Variants in KCNT2 observed in about 807,000 individuals in gnomAD.
KCNT2 encodes potassium channel subfamily T member 2.
Under a neutral mutation model 153.8 loss-of-function variants are expected in KCNT2, and 67 were observed. The ratio of observed to expected loss-of-function variants is 0.44; its 90% CI spans 0.36 to 0.53. KCNT2 has a LOEUF of 0.53. Among genes scored for constraint, KCNT2 ranks in the 20% least tolerant of loss-of-function variants. The probability of loss-of-function intolerance (pLI) is 0.00; values close to 1 mark genes in which losing one functional copy is unlikely to be tolerated. For missense variants in KCNT2, 975 were observed against 1,354.8 expected, an observed-to-expected ratio of 0.72 and a Z score of 4.40; for synonymous variants, 500 against 458.8, an observed-to-expected ratio of 1.09 and a Z score of -1.15.
intron 8 of KCNT2, among the ~76,000 whole-genome samples, chr1:196,459,739 G>T (rs1034026016): frequency 6.6e-6 from 1 of 151,886 alleles, no homozygotes; most frequent in African/African-American, 2.4e-5. Flanking sequence ...TTTCAGAAGT[G>T]AGGGATTCCT....
chr1:196,451,907 G>A (rs1279099204), intron 8 of KCNT2, among the ~76,000 whole-genome samples: 1 of 151,738 alleles, frequency 6.6e-6, no homozygotes, highest in Non-Finnish European at 1.5e-5. Flanking sequence ...ATTTTGGAAT[G>A]CTATTACACT....
intron 26 of KCNT2, chr1:196,257,374 A>C (rs1435962600): frequency 1.0e-6 from 1 of 978,268 alleles, no homozygotes; most frequent in African/African-American, 1.8e-5. Flanking sequence ...AATAATAAAC[A>C]AGAGAAAAGG....
intron 8 of KCNT2, among the ~76,000 whole-genome samples, chr1:196,464,299 A>G (rs1001034875): frequency 6.6e-5 from 10 of 151,918 alleles, no homozygotes; most frequent in Admixed American, 6.6e-5. Flanking sequence ...TATCGATCTT[A>G]GAGGTTATTT....
At chr1:196,357,875 T>C (rs1572158066) in intron 14 of KCNT2, among the ~76,000 whole-genome samples, 1 of 151,934 alleles carries the variant, frequency 6.6e-6, no homozygotes, top group African/African-American at 2.4e-5. Flanking sequence ...GGTAGTCTTG[T>C]CTAAAGTTTA....
chr1:196,482,166 GACAA>G (rs1194652117), intron 4 of KCNT2, among the ~76,000 whole-genome samples, 161 bp downstream of exon 4: 2 of 152,026 alleles, frequency 1.3e-5, no homozygotes, highest in African/African-American at 4.8e-5. Flanking sequence ...GCAGGGCTCA[GACAA>G]ACAAGAAAAA....
chr1:196,554,993 T>C (rs552948234), intron 1 of KCNT2, among the ~76,000 whole-genome samples: 1 of 151,236 alleles, frequency 6.6e-6, no homozygotes, highest in Non-Finnish European at 1.5e-5. Context: ...AACTTCAACA[T>C]AATAAAAGCT....
At chr1:196,513,950 G>A (rs1230833234) in intron 1 of KCNT2, among the ~76,000 whole-genome samples, 7 of 152,100 alleles carry the variant, frequency 4.6e-5, no homozygotes, top group Admixed American at 6.6e-5. Context: ...AAGCCTCTAC[G>A]CTTAGTGCTT....
chr1:196,457,291 T>C (rs918152494), intron 8 of KCNT2, among the ~76,000 whole-genome samples: 1 of 151,910 alleles, frequency 6.6e-6, no homozygotes. Flanking sequence ...AATTGTGTTC[T>C]CTAGTACTTA....
chr1:196,282,230 CT>C, intron 24 of KCNT2, 42 bp downstream of exon 24: 1 of 1,075,980 alleles, frequency 9.3e-7, no homozygotes. Flanking sequence ...ATTTCAGAAC[CT>C]TCTATCACAA....
At chr1:196,254,977 A>G (rs1656331087) in intron 26 of KCNT2, among the ~76,000 whole-genome samples, 1 of 151,576 alleles carries the variant, frequency 6.6e-6, no homozygotes, top group African/African-American at 2.4e-5. Context: ...AACAGTATGA[A>G]ATTTATAACA....
chr1:196,384,149 A>G lies in KCNT2; in HGVS notation c.1295-10901T>C, dbSNP rs573974772. ...CAAATCATCACATTGTACACCTTAA[A>G]TTTATACAATTTTATTTATCAAATA... is the stretch of plus-strand genomic sequence containing the variant. On this transcript the variant is annotated intron_variant, in intron 13 of 27. Coordinates refer to ENST00000294725, the MANE Select transcript of KCNT2 (RefSeq NM_198503.5). 2.2e-4 allele frequency among the ~76,000 whole-genome samples: 33 copies of G among 152,322 alleles called. No homozygotes were observed. In the South Asian group the frequency reaches 6.2e-3, roughly 29 times the overall value.
chr1:196,452,874 T>C (rs1299573614), intron 8 of KCNT2, among the ~76,000 whole-genome samples: 1 of 151,820 alleles, frequency 6.6e-6, no homozygotes, highest in Non-Finnish European at 1.5e-5. Flanking sequence ...ACTGATGAGG[T>C]CCACCCACAT....
rs1662415451 is a variant in KCNT2 at position 196,313,678 on chromosome 1, A to C, written c.2483+2214T>G. 2.0e-5 allele frequency among the ~76,000 whole-genome samples: 3 copies of C among 151,582 alleles called. No homozygotes were observed. In the Admixed American group the frequency reaches 2.0e-4, roughly 10 times the overall value. ...TAGCAGCTTAACACACAACACAAAA[A>C]AAAAGTTTCATATAATTTTTTCCTA... On this transcript the variant is annotated intron_variant, in intron 21 of 27. Transcript: ENST00000294725.
rs559453114 is a variant in KCNT2, at chr1:196,389,853, T to C, written c.1294+8710A>G. ...CTAAGTCAGTCTTACTAGCAAACTA[T>C]GTATCTCATAAGATTTCAAATGCCC... is the stretch of plus-strand genomic sequence containing the variant. On this transcript the variant is annotated intron_variant, in intron 13 of 27. Coordinates refer to ENST00000294725, the MANE Select transcript of KCNT2 (RefSeq NM_198503.5). 5.3e-5 allele frequency among the ~76,000 whole-genome samples: 8 copies of C among 151,796 alleles called. 1 individual carries two copies. Among genetic ancestry groups the C allele is most frequent in the African/African-American group, 1.4e-4 (6 of 41,510 alleles).
intron 1 of KCNT2, among the ~76,000 whole-genome samples, chr1:196,496,988 G>A (rs1016152391): frequency 2.0e-5 from 3 of 152,118 alleles, no homozygotes; most frequent in African/African-American, 4.8e-5. Context: ...TGAATGAAAT[G>A]GCATTATTTA....
At chr1:196,516,369 A>G (rs944311121) in intron 1 of KCNT2, among the ~76,000 whole-genome samples, 1 of 152,000 alleles carries the variant, frequency 6.6e-6, no homozygotes, top group East Asian at 1.9e-4. Flanking sequence ...AGGCAGCTAG[A>G]CTGCTTTTTC....
chr1:196,273,346 A>G, intron 25 of KCNT2: 1 of 648,142 alleles, frequency 1.5e-6, no homozygotes, highest in East Asian at 2.9e-5. Flanking sequence ...TTAAGTTTAA[A>G]TGATTTATTT....
chr1:196,370,512 G>A (rs1048542660), intron 14 of KCNT2, among the ~76,000 whole-genome samples: 3 of 151,902 alleles, frequency 2.0e-5, no homozygotes, highest in African/African-American at 7.3e-5. Context: ...AGTTGCTGGA[G>A]AGACCACTTC....
intron 27 of KCNT2, among the ~76,000 whole-genome samples, chr1:196,228,851 T>C (rs1184359704): frequency 6.6e-6 from 1 of 152,100 alleles, no homozygotes; most frequent in Non-Finnish European, 1.5e-5. Context: ...TTTAAATATT[T>C]TATGAATCTA....
Sources: gnomAD v4.1 joint callset for allele counts (sites outside exome capture counted in the v4.1 genomes callset) on GRCh38, gnomAD v4.1.1 for gene constraint, MANE v1.5 for transcripts, NCBI Gene and HGNC (gene_info 2026-07-23, HGNC 2026-07-21) for gene names.